XPO4: variants seen among roughly 807,000 people sequenced by gnomAD.
The protein encoded by XPO4 is exportin-4.
In XPO4, 39 loss-of-function variants were observed where a neutral mutation model predicts 143.0. The observed-to-expected ratio is 0.27, with a 90% confidence interval of 0.21 to 0.36. The LOEUF (loss-of-function observed/expected upper bound fraction) is 0.36. Ranked by LOEUF, XPO4 falls within the 10% of genes least tolerant of loss-of-function variation. The pLI is 1.00. For missense variants in XPO4, 907 were observed against 1,348.0 expected, an observed-to-expected ratio of 0.67 and a Z score of 5.12; for synonymous variants, 439 against 474.0, an observed-to-expected ratio of 0.93 and a Z score of 0.96.
At chr13:20,858,555 TA>T (rs374985932) in intron 3 of XPO4, among the ~76,000 whole-genome samples, 2 of 151,568 alleles carry the variant, frequency 1.3e-5, no homozygotes, top group Admixed American at 1.3e-4. Flanking sequence ...CTCTCTCTCT[TA>T]AAAAAAATGT....
chr13:20,819,890 T>A (rs922646564), intron 9 of XPO4, among the ~76,000 whole-genome samples: 12 of 152,222 alleles, frequency 7.9e-5, no homozygotes, highest in African/African-American at 2.9e-4. Context: ...CCGCTTGAGG[T>A]TGAGATGACA....
chr13:20,902,140 C>A, intron 1 of XPO4: 2 of 985,410 alleles, frequency 2.0e-6, no homozygotes, highest in Non-Finnish European at 2.4e-6. Flanking sequence ...CCAGCCGGCC[C>A]GGCCCTTCCA....
chr13:20,867,092 T>C (rs1482539489), intron 2 of XPO4, among the ~76,000 whole-genome samples: 1 of 152,260 alleles, frequency 6.6e-6, no homozygotes, highest in Non-Finnish European at 1.5e-5. Flanking sequence ...AAACTCTTTA[T>C]GCCGTTTAGT....
At chr13:20,850,517 C>T (rs1420949188) in intron 4 of XPO4, among the ~76,000 whole-genome samples, 2 of 152,166 alleles carry the variant, frequency 1.3e-5, no homozygotes, top group Non-Finnish European at 2.9e-5. Context: ...TGGTGGCTCA[C>T]ACCTATAAGG....
At chr13:20,850,934 T>G (rs762567321) in intron 4 of XPO4, 10 of 985,306 alleles carry the variant, frequency 1.0e-5, no homozygotes, top group Non-Finnish European at 9.6e-6. Flanking sequence ...CAACCCTTTC[T>G]TCATCTACAG....
chr13:20,880,980 A>C (rs945369959), intron 1 of XPO4, among the ~76,000 whole-genome samples: 5 of 151,670 alleles, frequency 3.3e-5, no homozygotes, highest in Non-Finnish European at 7.4e-5. Flanking sequence ...AAAAGGAATG[A>C]AGTACTAAGA....
At chr13:20,800,665 A>C (rs1304385809) in intron 14 of XPO4, among the ~76,000 whole-genome samples, 166 bp downstream of exon 14, 2 of 152,218 alleles carry the variant, frequency 1.3e-5, no homozygotes, top group African/African-American at 4.8e-5. Context: ...GTGCTCAAAA[A>C]CACATTAAAA....
At chr13:20,832,021 C>T (rs1267424520) in intron 6 of XPO4, among the ~76,000 whole-genome samples, 2 of 152,012 alleles carry the variant, frequency 1.3e-5, no homozygotes, top group Non-Finnish European at 2.9e-5. Context: ...TTCCCTGCCC[C>T]CTCTCCCACA....
intron 1 of XPO4, among the ~76,000 whole-genome samples, chr13:20,874,098 C>T (rs910532874): frequency 1.3e-5 from 2 of 152,150 alleles, no homozygotes; most frequent in Non-Finnish European, 2.9e-5. Flanking sequence ...TGCTTTGAAC[C>T]TCCTTAAGTA....
In XPO4 at chr13:20,790,492, A is replaced by G. The variant is rs1175446419; in HGVS notation, c.2886T>C (p.Ile962=). The change falls in exon 19 of 23, where the codon ATT becomes ATC. Residue 962 remains isoleucine, a synonymous_variant. Transcript: ENST00000255305. Reference sequence around the variant, plus strand: ...AGAGATCCTGTGACATCAAGGGCAGAATTAGGTTTACTCCATACAACACAA... The same window carrying G: ...AGAGATCCTGTGACATCAAGGGCAGGATTAGGTTTACTCCATACAACACAA... ...ADVVLYGVNL[I]LPLMSQDLLK... 6.2e-7 allele frequency: 1 copy of G among 1,614,030 alleles called. No homozygotes were observed. Among genetic ancestry groups the G allele is most frequent in the African/African-American group, 1.3e-5 (1 of 74,920 alleles).
At chr13:20,893,039 G>A (rs1235899277) in intron 1 of XPO4, among the ~76,000 whole-genome samples, 1 of 152,200 alleles carries the variant, frequency 6.6e-6, no homozygotes, top group African/African-American at 2.4e-5. Flanking sequence ...CAGACAGAAG[G>A]ACTAGTATAT....
chr13:20,800,445 A>C, intron 14 of XPO4, 120 bp from the exon 15 acceptor site: 1 of 888,660 alleles, frequency 1.1e-6, no homozygotes. Flanking sequence ...CTTCACATCA[A>C]CTTTACACAT....
intron 4 of XPO4, chr13:20,849,459 T>C (rs746255746): frequency 2.9e-5 from 29 of 983,982 alleles, no homozygotes; most frequent in Non-Finnish European, 3.5e-5. Context: ...TATGTTTAAA[T>C]ACAGATTAAA....
At chr13:20,795,256 G>A (rs1416862667) in intron 18 of XPO4, among the ~76,000 whole-genome samples, 1 of 152,166 alleles carries the variant, frequency 6.6e-6, no homozygotes, top group Non-Finnish European at 1.5e-5. Flanking sequence ...TGAAGTCAAG[G>A]TTGGCAGTGA....
At chr13:20,883,146 C>G (rs529296280) in intron 1 of XPO4, among the ~76,000 whole-genome samples, 81 of 152,350 alleles carry the variant, frequency 5.3e-4, no homozygotes, top group Non-Finnish European at 9.3e-4. Flanking sequence ...TTGCGGTTCC[C>G]TTACATCTTA....
At chr13:20,840,950 C>T (rs2059967669) in intron 6 of XPO4, among the ~76,000 whole-genome samples, 1 of 152,172 alleles carries the variant, frequency 6.6e-6, no homozygotes, top group Non-Finnish European at 1.5e-5. Flanking sequence ...TTATCATTTT[C>T]AGATGACAGA....
chr13:20,808,289 G>T, intron 12 of XPO4, 147 bp downstream of exon 12: 2 of 771,346 alleles, frequency 2.6e-6, no homozygotes, highest in African/African-American at 1.8e-5. Flanking sequence ...TTTTAAAAAT[G>T]CATCCATAGT....
At position 20,814,143 on chromosome 13, in the gene XPO4, A is replaced by G. The variant is rs557859533; in HGVS notation, c.1174-4176T>C. ...TTGCCAAAATAAACAGACTGGTAAC[A>G]TATCACAAGAGGAATTTAGGAATAG... On this transcript the variant is annotated intron_variant, in intron 9 of 22. Transcript: ENST00000255305. Among the ~76,000 whole-genome samples the G allele has an allele frequency of 4.0e-5, 6 of 151,306 alleles. No individual in the cohort carries two copies. In the East Asian group the frequency reaches 7.8e-4, roughly 20 times the overall value.
chr13:20,868,077 A>C lies in XPO4; in HGVS notation c.175+519T>G, dbSNP rs573704965. ...CATAAAACATATTTGACAAAAGTAA[A>C]AATCAGTGCTTTATTTTAGGATACA... On this transcript the variant is annotated intron_variant, in intron 2 of 22. Coordinates refer to ENST00000255305, the MANE Select transcript of XPO4 (RefSeq NM_022459.5). Among the ~76,000 whole-genome samples, 5 of 152,292 alleles carry C rather than the reference A, an allele frequency of 3.3e-5. No individual in the cohort carries two copies. The South Asian group carries it at 1.0e-3, about 32-fold the overall frequency.
Sources: allele counts gnomAD v4.1 joint callset (sites outside exome capture counted in the v4.1 genomes callset), GRCh38; gene constraint gnomAD v4.1.1; transcripts MANE v1.5; gene names NCBI Gene and HGNC (gene_info 2026-07-23, HGNC 2026-07-21).